OXR1: variants seen among roughly 807,000 people sequenced by gnomAD.
The protein encoded by OXR1 is oxidation resistance protein 1.
In OXR1, 41 loss-of-function variants were observed where a neutral mutation model predicts 104.6. The observed-to-expected ratio is 0.39, with a 90% confidence interval of 0.31 to 0.51. The LOEUF (loss-of-function observed/expected upper bound fraction) is 0.51, where lower values mean the gene tolerates loss of function less well. Among genes scored for constraint, OXR1 ranks in the 20% least tolerant of loss-of-function variants. The probability of loss-of-function intolerance (pLI) is 0.77; values close to 1 mark genes in which losing one functional copy is unlikely to be tolerated. For synonymous variants in OXR1, 348 were observed against 348.4 expected (o/e 1.00, Z 0.01); for missense variants, 955 against 1,031.9 (o/e 0.93, Z 1.02).
At position 106,359,474 on chromosome 8, in the gene OXR1, AG is replaced by A; in HGVS notation, c.-138del. 1.5e-6 allele frequency: 1 copy of A among 663,226 alleles called. No individual in the cohort carries two copies. Among genetic ancestry groups the A allele is most frequent in the South Asian group, 1.7e-5 (1 of 57,618 alleles). The allele number at this position is 663,226 out of a possible 1,614,324, so 41.1% of individuals were successfully genotyped here. A position where few individuals can be genotyped will look rare whatever the true frequency, so the allele number is the denominator to read the frequency against. ...ATATTCATTTATTTCTTTTCTTTAT[AG>A]GTCCTCTCAAACTGTGAGTAACTAA... On this transcript the variant is annotated splice_acceptor_variant, in intron 1 of 16. Transcript: ENST00000517566. LOFTEE classifies it low-confidence loss of function (5UTR_SPLICE).
At chr8:106,564,142 CT>C (rs1816895805) in intron 3 of OXR1, among the ~76,000 whole-genome samples, 1 of 151,908 alleles carries the variant, frequency 6.6e-6, no homozygotes, top group Non-Finnish European at 1.5e-5. Flanking sequence ...AAGAGCAGAA[CT>C]GAAGGAGATA....
intron 2 of OXR1, among the ~76,000 whole-genome samples, chr8:106,477,802 A>AT (rs1271687980): frequency 1.3e-5 from 2 of 151,808 alleles, no homozygotes; most frequent in South Asian, 2.1e-4. Context: ...TAATAGTGTA[A>AT]TTTTTTTATT....
chr8:106,493,640 G>A (rs1343563672), intron 2 of OXR1, among the ~76,000 whole-genome samples: 1 of 152,158 alleles, frequency 6.6e-6, no homozygotes, highest in Non-Finnish European at 1.5e-5. Context: ...ACACATGAAT[G>A]TGTTTCTCTC....
chr8:106,375,228 G>T (rs1443732293), intron 2 of OXR1, among the ~76,000 whole-genome samples: 2 of 152,128 alleles, frequency 1.3e-5, no homozygotes, highest in Admixed American at 6.5e-5. Context: ...AAACTAGCTA[G>T]ATATTTTAAG....
At chr8:106,535,635 A>C (rs965204226) in intron 3 of OXR1, among the ~76,000 whole-genome samples, 1 of 152,314 alleles carries the variant, frequency 6.6e-6, no homozygotes, top group Admixed American at 6.5e-5. Context: ...TAGCAACATG[A>C]AATTTACATC....
At position 106,519,112 on chromosome 8, in the gene OXR1, A is replaced by G; in HGVS notation, c.193A>G (p.Ser65Gly). The G allele has an allele frequency of 6.4e-7, 1 of 1,551,914 alleles. No homozygotes were observed. Residue 65 changes from serine (S) to glycine (G), a missense_variant, in exon 3 of 17, where the codon AGC (serine) becomes GGC (glycine). Transcript: ENST00000517566. ...TACTCAGAAACATCCTTCCAGAAGG[A>G]GCGAACTGAAGAGGTTCTACACAAT... ...ANTQKHPSRR[S>G]ELKRFYTIDT...
intron 3 of OXR1, among the ~76,000 whole-genome samples, chr8:106,617,620 C>A (rs1821352517): frequency 6.6e-6 from 1 of 152,128 alleles, no homozygotes. Flanking sequence ...ATTGGAAGTT[C>A]TGGATGCAAA....
chr8:106,664,533 G>T (rs989324229), intron 3 of OXR1, among the ~76,000 whole-genome samples: 1 of 152,196 alleles, frequency 6.6e-6, no homozygotes, highest in Non-Finnish European at 1.5e-5. Context: ...GGAATAATCA[G>T]TGTATTTGGT....
At chr8:106,295,669 T>C (rs1812965257) in intron 1 of OXR1, among the ~76,000 whole-genome samples, 1 of 152,182 alleles carries the variant, frequency 6.6e-6, no homozygotes, top group Non-Finnish European at 1.5e-5. Flanking sequence ...TACCATCCAG[T>C]GCATCTAGGT....
intron 3 of OXR1, among the ~76,000 whole-genome samples, chr8:106,606,893 T>C (rs1820443616): frequency 6.6e-6 from 1 of 152,210 alleles, no homozygotes; most frequent in Admixed American, 6.5e-5. Context: ...TAGTTTTTGC[T>C]GTTCTTAACC....
At chr8:106,301,104 A>C (rs1041832857) in intron 1 of OXR1, among the ~76,000 whole-genome samples, 1 of 152,184 alleles carries the variant, frequency 6.6e-6, no homozygotes, top group African/African-American at 2.4e-5. Context: ...AGCATTTTTG[A>C]CTTTCAATAG....
intron 1 of OXR1, among the ~76,000 whole-genome samples, chr8:106,351,486 T>C (rs1325195865): frequency 6.6e-6 from 1 of 152,166 alleles, no homozygotes; most frequent in Non-Finnish European, 1.5e-5. Context: ...GGGATGAGTG[T>C]AGCAGACAAA....
intron 2 of OXR1, among the ~76,000 whole-genome samples, chr8:106,391,656 G>A (rs1047774283): frequency 1.3e-5 from 2 of 151,916 alleles, no homozygotes; most frequent in African/African-American, 4.8e-5. Flanking sequence ...AAATTTATTT[G>A]TGCATTCTTT....
intron 1 of OXR1, among the ~76,000 whole-genome samples, chr8:106,274,534 C>T (rs1811949694): frequency 1.3e-5 from 2 of 151,882 alleles, no homozygotes; most frequent in African/African-American, 4.8e-5. Flanking sequence ...TATTACTGTC[C>T]CTCAGGGATT....
chr8:106,594,860 C>T (rs1300132235), intron 3 of OXR1, among the ~76,000 whole-genome samples: 1 of 152,154 alleles, frequency 6.6e-6, no homozygotes, highest in East Asian at 1.9e-4. Flanking sequence ...AGGGCAAGTA[C>T]TACATCAGAG....
At chr8:106,543,183 A>C (rs1270543918) in intron 3 of OXR1, among the ~76,000 whole-genome samples, 1 of 152,206 alleles carries the variant, frequency 6.6e-6, no homozygotes, top group Non-Finnish European at 1.5e-5. Flanking sequence ...ACAGAATTCC[A>C]TGAATGTTTT....
rs146469087 is a variant in OXR1 at position 106,542,734 on chromosome 8, C to T, written c.220+23595C>T. ...GTTAGCAATAACCACGAAGTAGTATCGCTGCAAGAAAGTAAATTTCTCATT... is the reference window on the plus strand; with the variant it reads ...GTTAGCAATAACCACGAAGTAGTATTGCTGCAAGAAAGTAAATTTCTCATT... On this transcript the variant is annotated intron_variant, in intron 3 of 16. Transcript: ENST00000517566. Among the ~76,000 whole-genome samples, 18 of 151,866 alleles carry T rather than the reference C, an allele frequency of 1.2e-4. No individual in the cohort carries two copies. In the East Asian group the frequency reaches 2.9e-3, roughly 24 times the overall value.
chr8:106,622,457 A>G (rs868394227), intron 3 of OXR1, among the ~76,000 whole-genome samples: 44 of 129,652 alleles, frequency 3.4e-4, no homozygotes, highest in African/African-American at 1.3e-3. Flanking sequence ...CCCCCAGCAC[A>G]CACACACACA....
intron 1 of OXR1, among the ~76,000 whole-genome samples, chr8:106,304,671 AT>A (rs1225520877): frequency 2.6e-5 from 4 of 152,192 alleles, no homozygotes; most frequent in Admixed American, 2.6e-4. Flanking sequence ...CATTTCTTAG[AT>A]TAAGTCTTCA....
Sources: gnomAD v4.1 joint callset for allele counts (sites outside exome capture counted in the v4.1 genomes callset) on GRCh38, gnomAD v4.1.1 for gene constraint, MANE v1.5 for transcripts, NCBI Gene and HGNC (gene_info 2026-07-23, HGNC 2026-07-21) for gene names.